The following PTPRN2 variants were observed in gnomAD, a reference collection of about 807,000 sequenced individuals.
The protein encoded by PTPRN2 is protein tyrosine phosphatase receptor type N2, also known as receptor-type tyrosine-protein phosphatase N2.
A neutral mutation model predicts 118.8 loss-of-function variants in PTPRN2; 74 were observed. That is an observed-to-expected ratio of 0.62 (90% confidence interval 0.52 to 0.76). The LOEUF (loss-of-function observed/expected upper bound fraction) is 0.76, where lower values mean the gene tolerates loss of function less well. Among genes scored for constraint, PTPRN2 ranks in the 30% least tolerant of loss-of-function variants. The probability of loss-of-function intolerance (pLI) is 0.00; values close to 1 mark genes in which losing one functional copy is unlikely to be tolerated. For synonymous variants in PTPRN2, 641 were observed against 608.0 expected, an observed-to-expected ratio of 1.05 and a Z score of -0.80; for missense variants, 1,481 against 1,394.4, an observed-to-expected ratio of 1.06 and a Z score of -0.99.
intron 12 of PTPRN2, among the ~76,000 whole-genome samples, chr7:157,798,792 T>C (rs377749815): frequency 1.3e-5 from 2 of 152,146 alleles, no homozygotes; most frequent in Admixed American, 6.5e-5. Flanking sequence ...ACCGTTGATA[T>C]TTAAACTCAA....
At chr7:157,967,807 G>T (rs774395816) in intron 11 of PTPRN2, among the ~76,000 whole-genome samples, 12 of 152,186 alleles carry the variant, frequency 7.9e-5, no homozygotes, top group Non-Finnish European at 1.2e-4. Flanking sequence ...TGGGATGAAT[G>T]ATCAGGAAAA....
At chr7:157,983,416 G>A (rs1428204082) in intron 11 of PTPRN2, among the ~76,000 whole-genome samples, 1 of 151,182 alleles carries the variant, frequency 6.6e-6, no homozygotes, top group Admixed American at 6.6e-5. Context: ...CCTAAACCCC[G>A]AGTCATAGAG....
At position 158,203,616 on chromosome 7, in the gene PTPRN2, A is replaced by T. The variant is rs955938696; in HGVS notation, c.380+1555T>A. 3.3e-5 allele frequency among the ~76,000 whole-genome samples: 5 copies of T among 151,722 alleles called. No homozygotes were observed. In the East Asian group the frequency reaches 9.8e-4, roughly 30 times the overall value. ...TCTGCACCCCCCCAGAGTGAGGAGG[A>T]GCCATCCCTTGCTTGGTTTTCCCAA... On this transcript the variant is annotated intron_variant, in intron 4 of 22. Transcript: ENST00000389418.
In PTPRN2 at chr7:157,784,995, G is replaced by A. The variant is rs1428908894; in HGVS notation, c.1789-102058C>T. On this transcript the variant is annotated intron_variant, in intron 12 of 22. Coordinates refer to ENST00000389418, the MANE Select transcript of PTPRN2 (RefSeq NM_002847.5). The surrounding 1 kb of genome is among the most constrained non-coding windows in gnomAD (Gnocchi z 4.6). ...GGGAGCCGAGGCCCTCTGTCCAGGC[G>A]GCTGAGGTCACGCGGTCTCTTCAGT... 1.3e-5 allele frequency among the ~76,000 whole-genome samples: 2 copies of A among 152,190 alleles called. No individual in the cohort carries two copies. Among genetic ancestry groups the A allele is most frequent in the East Asian group, 1.9e-4 (1 of 5,184 alleles).
intron 12 of PTPRN2, among the ~76,000 whole-genome samples, chr7:157,853,807 C>T (rs758115114): frequency 3.3e-5 from 5 of 152,210 alleles, no homozygotes; most frequent in Non-Finnish European, 5.9e-5. Context: ...TACCTGTGGA[C>T]GTGACCTTAT....
intron 6 of PTPRN2, among the ~76,000 whole-genome samples, chr7:158,149,170 C>A (rs369324044): frequency 6.6e-6 from 1 of 151,868 alleles, no homozygotes; most frequent in Non-Finnish European, 1.5e-5. Context: ...GACACCCCAT[C>A]TCACGCCACA....
intron 5 of PTPRN2, among the ~76,000 whole-genome samples, chr7:158,183,432 C>T (rs187775423): frequency 2.6e-5 from 4 of 152,136 alleles, no homozygotes; most frequent in Non-Finnish European, 5.9e-5. Context: ...CCCACTCCCC[C>T]CTGGGTTATG....
chr7:157,837,637 T>A (rs1021831297), intron 12 of PTPRN2, among the ~76,000 whole-genome samples: 1 of 152,164 alleles, frequency 6.6e-6, no homozygotes, highest in Non-Finnish European at 1.5e-5. Flanking sequence ...TTCGCACTCC[T>A]GCCGTCTGCA....
At chr7:158,262,469 C>A (rs1279604930) in intron 3 of PTPRN2, among the ~76,000 whole-genome samples, 5 of 143,730 alleles carry the variant, frequency 3.5e-5, no homozygotes, top group Non-Finnish European at 6.0e-5. Flanking sequence ...TCACACACTG[C>A]AAACATTCAC....
chr7:158,366,132 C>A (rs113003367), intron 2 of PTPRN2, among the ~76,000 whole-genome samples: 2 of 138,012 alleles, frequency 1.4e-5, no homozygotes, highest in African/African-American at 2.7e-5. Flanking sequence ...CACGCGTGCA[C>A]ATGCACACAC....
At chr7:157,722,627 C>T (rs575733973) in intron 12 of PTPRN2, among the ~76,000 whole-genome samples, 21 of 152,182 alleles carry the variant, frequency 1.4e-4, no homozygotes, top group Admixed American at 2.6e-4. Flanking sequence ...GCCTGGGCGG[C>T]CCTCCATTCC....
intron 11 of PTPRN2, among the ~76,000 whole-genome samples, chr7:158,071,944 C>A (rs112116843): frequency 1.1e-4 from 1 of 8,814 alleles, no homozygotes; most frequent in Non-Finnish European, 1.8e-4. Flanking sequence ...GGAGGTGCTC[C>A]TGGTGGAGGT....
chr7:157,778,373 A>C (rs2051857671), intron 12 of PTPRN2, among the ~76,000 whole-genome samples: 1 of 151,998 alleles, frequency 6.6e-6, no homozygotes, highest in South Asian at 2.1e-4. Flanking sequence ...CCACGTAAAC[A>C]TGTCCACGTG....
In PTPRN2 at chr7:157,987,281, G is replaced by A. The variant is rs540046329; in HGVS notation, c.1724-88544C>T. Among the ~76,000 whole-genome samples the A allele has an allele frequency of 4.0e-5, 6 of 151,578 alleles. No homozygotes were observed. Among genetic ancestry groups the A allele is most frequent in the Non-Finnish European group, 7.4e-5 (5 of 67,944 alleles). ...TGTGGAGCTTACTGGAACCTAAACG[G>A]GGGCAAGATGACCGGTCACTAAAGG... is the stretch of plus-strand genomic sequence containing the variant. On this transcript the variant is annotated intron_variant, in intron 11 of 22. Coordinates refer to ENST00000389418, the MANE Select transcript of PTPRN2 (RefSeq NM_002847.5). The surrounding 1 kb of genome is among the most constrained non-coding windows in gnomAD (Gnocchi z 4.3).
intron 12 of PTPRN2, among the ~76,000 whole-genome samples, chr7:157,875,257 A>ACC (rs1446216409): frequency 6.6e-6 from 1 of 152,214 alleles, no homozygotes; most frequent in Non-Finnish European, 1.5e-5. Flanking sequence ...CTGTCCTGGA[A>ACC]GTCTCCTGGG....
At chr7:158,101,470 T>A (rs1228697974) in intron 10 of PTPRN2, among the ~76,000 whole-genome samples, 1 of 152,158 alleles carries the variant, frequency 6.6e-6, no homozygotes, top group Non-Finnish European at 1.5e-5. Context: ...GGCAAAGACT[T>A]CATGACAAAG....
At chr7:158,169,374 C>T (rs900055503) in intron 5 of PTPRN2, among the ~76,000 whole-genome samples, 7 of 151,176 alleles carry the variant, frequency 4.6e-5, no homozygotes, top group African/African-American at 1.7e-4. Flanking sequence ...TCCCAAGTAG[C>T]TGGGACCACA....
chr7:157,721,022 G>A (rs1400444181), intron 12 of PTPRN2, among the ~76,000 whole-genome samples: 1 of 141,430 alleles, frequency 7.1e-6, no homozygotes, highest in Non-Finnish European at 1.6e-5. Flanking sequence ...CAGCGGGATG[G>A]ACGTGGGTCC....
chr7:158,431,601 T>C (rs1258047655), intron 2 of PTPRN2, among the ~76,000 whole-genome samples: 1 of 138,014 alleles, frequency 7.2e-6, no homozygotes, highest in Non-Finnish European at 1.5e-5. Context: ...TGGCTCACAC[T>C]GGCCACACAC....
Sources: gnomAD v4.1 joint callset for allele counts (sites outside exome capture counted in the v4.1 genomes callset) on GRCh38, gnomAD v4.1.1 for gene constraint, Gnocchi (gnomAD v3.1) non-coding constraint, MANE v1.5 for transcripts, NCBI Gene and HGNC (gene_info 2026-07-23, HGNC 2026-07-21) for gene names.